Variants in NEBL observed in about 807,000 individuals in gnomAD.
The protein encoded by NEBL is nebulette, also known as LIM and SH3 protein 2.
Under a neutral mutation model 140.2 loss-of-function variants are expected in NEBL, and 122 were observed. The observed-to-expected ratio is 0.87, with a 90% CI of 0.75 to 1.01. The LOEUF is 1.01. NEBL is among the 50% of genes least tolerant of loss of function. The probability of loss-of-function intolerance (pLI) is 0.00; values close to 1 mark genes in which losing one functional copy is unlikely to be tolerated. For synonymous variants in NEBL, 436 were observed against 398.9 expected, an observed-to-expected ratio of 1.09 and a Z score of -1.11; for missense variants, 1,365 against 1,231.3, an observed-to-expected ratio of 1.11 and a Z score of -1.62.
chr10:21,278,181 A>G (rs1588592874), intron 1 of NEBL, among the ~76,000 whole-genome samples: 1 of 152,172 alleles, frequency 6.6e-6, no homozygotes, highest in East Asian at 1.9e-4. Flanking sequence ...TGGTGCACAC[A>G]TGCAGTCCCA....
chr10:20,914,714 A>G (rs1280816506), intron 4 of NEBL, among the ~76,000 whole-genome samples: 1 of 152,168 alleles, frequency 6.6e-6, no homozygotes, highest in Non-Finnish European at 1.5e-5. Flanking sequence ...GCTACAGGTA[A>G]CTGCATATCC....
At chr10:21,015,302 T>C (rs74379842) in intron 3 of NEBL, among the ~76,000 whole-genome samples, 5 of 152,116 alleles carry the variant, frequency 3.3e-5, no homozygotes, top group Admixed American at 3.3e-4. Flanking sequence ...AGCTCCATGT[T>C]GTTGTCTTCT....
Position 21,009,797 on chromosome 10 carries a change from T to C in NEBL, c.249+10320A>G, listed in dbSNP as rs778109564. On this transcript the variant is annotated intron_variant, in intron 3 of 6. Coordinates refer to the NEBL transcript ENST00000417816. ...TCCGGTGGGAAGGTCCTTCTGAAGCTAATGGGTGCTCTAAACAAAGTTCTG... is the reference window on the plus strand; with the variant it reads ...TCCGGTGGGAAGGTCCTTCTGAAGCCAATGGGTGCTCTAAACAAAGTTCTG... 1.8e-3 allele frequency among the ~76,000 whole-genome samples: 267 copies of C among 152,294 alleles called. 11 individuals carry two copies. The highest frequency in any genetic ancestry group is 9.2e-4 in the Admixed American group (14 of 15,294).
chr10:20,808,517 ATCAGACGGTC>A lies in NEBL; in HGVS notation c.2744_2753del (p.Arg915MetfsTer30). 6.2e-7 allele frequency: 1 copy of A among 1,613,932 alleles called. No homozygotes were observed. Among genetic ancestry groups the A allele is most frequent in the Middle Eastern group, 1.7e-4 (1 of 6,058 alleles). ...GCAGTGAATGTTTGATACCTCCTTC[ATCAGACGGTC>A]TTGTTACCTCACTGCAGCATGAAAA... is the stretch of plus-strand genomic sequence containing the variant. On this transcript the variant is annotated frameshift_variant, in exon 26 of 28. Coordinates refer to ENST00000377122, the MANE Select transcript of NEBL (RefSeq NM_006393.3). LOFTEE classifies it high-confidence loss of function.
intron 3 of NEBL, among the ~76,000 whole-genome samples, chr10:21,212,014 T>C (rs549691794): frequency 6.0e-4 from 92 of 152,168 alleles, no homozygotes; most frequent in Non-Finnish European, 9.4e-4. Flanking sequence ...TTCAGATATA[T>C]ATATCTATAA....
At chr10:21,242,541 C>T (rs1219258513) in intron 3 of NEBL, among the ~76,000 whole-genome samples, 1 of 152,148 alleles carries the variant, frequency 6.6e-6, no homozygotes, top group Non-Finnish European at 1.5e-5. Context: ...ATAATCCGTA[C>T]ACCAAACCCC....
intron 24 of NEBL, 134 bp downstream of exon 24, chr10:20,812,635 G>A: frequency 9.6e-7 from 1 of 1,045,308 alleles, no homozygotes; most frequent in Non-Finnish European, 1.5e-6. Flanking sequence ...TACTTTACCT[G>A]CGGTCCATTT....
rs74516804 is a variant in NEBL, at chr10:21,152,110, C to G, written c.164+20273G>C. 4.6e-3 allele frequency among the ~76,000 whole-genome samples: 694 copies of G among 152,192 alleles called. 2 individuals carry two copies. The highest frequency in any genetic ancestry group is 6.4e-3 in the Non-Finnish European group (434 of 68,002). On this transcript the variant is annotated intron_variant, in intron 2 of 6. Coordinates refer to the NEBL transcript ENST00000417816. ...AAGGAGTGAGTGCATTTCCGCTATCCGGAAATGGGACAGAGAAGGCAAGTC... is the reference window on the plus strand; with the variant it reads ...AAGGAGTGAGTGCATTTCCGCTATCGGGAAATGGGACAGAGAAGGCAAGTC...
intron 2 of NEBL, among the ~76,000 whole-genome samples, chr10:21,096,464 G>A (rs573015903): frequency 4.0e-5 from 6 of 151,308 alleles, no homozygotes; most frequent in African/African-American, 9.7e-5. Flanking sequence ...ATGTTTACAC[G>A]GGCTTTAGAG....
At chr10:20,931,270 A>T (rs11594295) in intron 4 of NEBL, among the ~76,000 whole-genome samples, 6,954 of 152,092 alleles carry the variant, frequency 0.046, 312 homozygotes, top group East Asian at 0.16. Context: ...TGAGATTTTT[A>T]AAAAAAAATC....
intron 11 of NEBL, 134 bp from the exon 12 acceptor site, chr10:20,845,502 CAGG>C: frequency 1.6e-6 from 1 of 616,640 alleles, no homozygotes; most frequent in Non-Finnish European, 2.9e-6. Context: ...ATCCTATCAA[CAGG>C]GAAATAAGTT....
At chr10:20,793,041 G>GGATTCTTA (rs1200062451) in intron 26 of NEBL, among the ~76,000 whole-genome samples, 1 of 152,094 alleles carries the variant, frequency 6.6e-6, no homozygotes, top group East Asian at 1.9e-4. Context: ...TAATCTGAAA[G>GGATTCTTA]GATTCTTAGC....
At chr10:21,219,835 A>T (rs1238721055) in intron 3 of NEBL, among the ~76,000 whole-genome samples, 5 of 140,360 alleles carry the variant, frequency 3.6e-5, no homozygotes, top group African/African-American at 1.3e-4. Flanking sequence ...TTTTTGTGCT[A>T]TTGTAAATGA....
intron 2 of NEBL, chr10:21,028,980 T>C (rs1833658710): frequency 7.0e-6 from 4 of 573,560 alleles, no homozygotes; most frequent in South Asian, 6.8e-5. Flanking sequence ...AATGAAAGTG[T>C]TGCTTTCCCG....
At chr10:21,081,493 T>G (rs902076148) in intron 2 of NEBL, among the ~76,000 whole-genome samples, 6 of 151,596 alleles carry the variant, frequency 4.0e-5, no homozygotes, top group Non-Finnish European at 7.4e-5. Context: ...GAACTCATTT[T>G]TAATAGTACC....
chr10:21,075,650 T>A (rs1353461613), intron 2 of NEBL, among the ~76,000 whole-genome samples: 1 of 152,158 alleles, frequency 6.6e-6, no homozygotes, highest in African/African-American at 2.4e-5. Context: ...AGGCCCTCAT[T>A]TTCCTCAACT....
chr10:21,067,172 C>A (rs893178479), intron 2 of NEBL, among the ~76,000 whole-genome samples: 1 of 151,862 alleles, frequency 6.6e-6, no homozygotes, highest in Non-Finnish European at 1.5e-5. Context: ...GGGGTTTCAC[C>A]GTGTTAGCCA....
At chr10:20,877,734 C>G (rs1019467398) in intron 5 of NEBL, among the ~76,000 whole-genome samples, 1 of 152,166 alleles carries the variant, frequency 6.6e-6, no homozygotes, top group African/African-American at 2.4e-5. Context: ...GCGGAGCAAA[C>G]AGCTTCCTTG....
Position 20,896,972 on chromosome 10 carries a change from C to T in NEBL, c.139G>A (p.Glu47Lys), listed in dbSNP as rs765610685. 1.9e-6 allele frequency: 3 copies of T among 1,613,934 alleles called. No individual in the cohort carries two copies. The highest frequency in any genetic ancestry group is 2.5e-6 in the Non-Finnish European group (3 of 1,179,908). ...CAGCCACTTACATCGCTAATGAGTT[C>T]CGTGCATTTTCTGGCCAATTCCATG... ...LSMELARKCT[E>K]LISDIRYKEE... is the part of the protein sequence containing the mutation. The change falls in exon 2 of 28, where the codon GAA becomes AAA. Residue 47 changes from glutamate to lysine, a missense_variant. Glu to Lys is a moderately conservative substitution (Grantham distance 56). Coordinates refer to ENST00000377122, the MANE Select transcript of NEBL (RefSeq NM_006393.3).
Sources: allele counts gnomAD v4.1 joint callset (sites outside exome capture counted in the v4.1 genomes callset), GRCh38; gene constraint gnomAD v4.1.1; transcripts MANE v1.5; gene names NCBI Gene and HGNC (gene_info 2026-07-23, HGNC 2026-07-21).